MYOF: variants seen among roughly 807,000 people sequenced by gnomAD.
MYOF encodes the protein myoferlin.
MYOF carries 244 observed loss-of-function variants against 284.2 expected under a neutral mutation model. The observed-to-expected ratio is 0.86, with a 90% CI of 0.77 to 0.95. MYOF has a LOEUF of 0.95. Among genes scored for constraint, MYOF ranks in the 40% least tolerant of loss-of-function variants. The pLI is 0.00. For synonymous variants in MYOF, 904 were observed against 919.7 expected (o/e 0.98, Z 0.31); for missense variants, 2,496 against 2,560.6 (o/e 0.97, Z 0.54).
chr10:93,384,831 G>A (rs1194538216), intron 19 of MYOF, among the ~76,000 whole-genome samples: 1 of 152,160 alleles, frequency 6.6e-6, no homozygotes, highest in Non-Finnish European at 1.5e-5. Flanking sequence ...ACCGATAAGG[G>A]CTAAGAGTTG....
chr10:93,401,904 CACTA>C (rs1283161022), intron 11 of MYOF, among the ~76,000 whole-genome samples: 2 of 152,066 alleles, frequency 1.3e-5, no homozygotes, highest in Non-Finnish European at 2.9e-5. Context: ...CTAGAATAAT[CACTA>C]ACTATTTAGG....
At chr10:93,370,823 T>C (rs1845552314) in intron 24 of MYOF, among the ~76,000 whole-genome samples, 1 of 152,288 alleles carries the variant, frequency 6.6e-6, no homozygotes, top group East Asian at 1.9e-4. Flanking sequence ...AAACTGCGAT[T>C]GACAGGTAAA....
rs1209636563 is a variant in MYOF, at chr10:93,381,252, A to G, written c.1843T>C (p.Ser615Pro). Residue 615 changes from serine (S) to proline (P), a missense_variant, in exon 20 of 54, where the codon TCA (serine) becomes CCA (proline). This residue lies in a region of MYOF where 2,436 missense variants were observed against 2,480.7 expected (regional missense o/e 0.98). Transcript: ENST00000359263. ...KFDTTCKPLASTTQYSRAVFD... is the reference protein window; with the variant it reads ...KFDTTCKPLAPTTQYSRAVFD... The stretch of plus-strand genomic sequence containing the variant: ...ACAGCACGGCTGTACTGAGTTGTTG[A>G]TGCCAAAGGCTTACAGGTGGTGTCA... 1.2e-6 allele frequency: 2 copies of G among 1,614,098 alleles called. No individual in the cohort carries two copies. Among genetic ancestry groups the G allele is most frequent in the Non-Finnish European group, 8.5e-7 (1 of 1,180,046 alleles).
intron 36 of MYOF, among the ~76,000 whole-genome samples, chr10:93,348,700 T>C (rs1188380890): frequency 1.3e-5 from 2 of 152,006 alleles, no homozygotes. Flanking sequence ...GCATTGGGGT[T>C]GTAAGGACCT....
chr10:93,364,791 CTTTA>C (rs765380186), intron 26 of MYOF, among the ~76,000 whole-genome samples: 4 of 152,088 alleles, frequency 2.6e-5, no homozygotes, highest in Non-Finnish European at 4.4e-5. Flanking sequence ...TTTTTTTTCC[CTTTA>C]TTGTTTCTGC....
Position 93,381,414 on chromosome 10 carries a change from A to G in MYOF, c.1699-18T>C, listed in dbSNP as rs1327947517. The stretch of plus-strand genomic sequence containing the variant: ...TGGTATTTCTATAAAGTATGAGCAG[A>G]CATAAGGTTCAGTGAAAGGCCATTT... On this transcript the variant is annotated intron_variant, in intron 19 of 53. Transcript: ENST00000359263. 6.2e-7 allele frequency: 1 copy of G among 1,613,170 alleles called. No individual in the cohort carries two copies.
At chr10:93,308,992 A>C (rs900293777) in intron 53 of MYOF, among the ~76,000 whole-genome samples, 16 of 152,192 alleles carry the variant, frequency 1.1e-4, no homozygotes, top group Admixed American at 6.5e-5. Flanking sequence ...GATTACAGGC[A>C]TGAGCCACCT....
intron 13 of MYOF, among the ~76,000 whole-genome samples, chr10:93,397,813 C>T (rs1474227468): frequency 6.6e-6 from 1 of 152,012 alleles, no homozygotes; most frequent in African/African-American, 2.4e-5. Context: ...CCCTGCCCGC[C>T]AGCCTCCCTG....
chr10:93,469,033 T>TA (rs1355804896), intron 1 of MYOF, among the ~76,000 whole-genome samples: 1 of 152,236 alleles, frequency 6.6e-6, no homozygotes, highest in African/African-American at 2.4e-5. Context: ...TGAGTCTAAA[T>TA]ATCTTCATCT....
chr10:93,327,774 T>C (rs564727575), intron 45 of MYOF, among the ~76,000 whole-genome samples: 16 of 152,204 alleles, frequency 1.1e-4, no homozygotes, highest in African/African-American at 3.6e-4. Flanking sequence ...TGTTTGTTTT[T>C]TGAGACAGGA....
At chr10:93,449,330 T>A (rs1034562200) in intron 3 of MYOF, among the ~76,000 whole-genome samples, 1 of 152,242 alleles carries the variant, frequency 6.6e-6, no homozygotes, top group African/African-American at 2.4e-5. Flanking sequence ...TAGAAAATTT[T>A]AAATTGCATG....
intron 43 of MYOF, among the ~76,000 whole-genome samples, chr10:93,332,000 G>A (rs907010225): frequency 6.6e-6 from 1 of 152,162 alleles, no homozygotes; most frequent in Non-Finnish European, 1.5e-5. Flanking sequence ...GGTTGGAAAA[G>A]CATGGGGCTT....
intron 23 of MYOF, among the ~76,000 whole-genome samples, chr10:93,373,867 A>T (rs10400106): frequency 0.075 from 11,375 of 150,886 alleles, 1,414 homozygotes; most frequent in African/African-American, 0.26. Context: ...TACACCTACC[A>T]TTTTTTTTTA....
intron 16 of MYOF, among the ~76,000 whole-genome samples, 197 bp from the exon 17 acceptor site, chr10:93,393,152 A>G (rs943604679): frequency 1.3e-5 from 2 of 152,250 alleles, no homozygotes; most frequent in Admixed American, 6.5e-5. Flanking sequence ...TGACCCGGGC[A>G]GAACCACCAC....
intron 38 of MYOF, 97 bp from the exon 39 acceptor site, chr10:93,340,261 G>A: frequency 7.8e-7 from 1 of 1,289,264 alleles, no homozygotes; most frequent in Non-Finnish European, 1.1e-6. Context: ...AGAGAAAGAA[G>A]CAAAAATTAT....
chr10:93,339,319 C>T (rs977079333), intron 39 of MYOF, among the ~76,000 whole-genome samples: 3 of 151,076 alleles, frequency 2.0e-5, no homozygotes, highest in African/African-American at 7.3e-5. Flanking sequence ...CCTTAAAAGG[C>T]TACTTTTTAT....
chr10:93,429,310 C>T lies in MYOF; in HGVS notation c.345+2098G>A, dbSNP rs148328523. The stretch of plus-strand genomic sequence containing the variant: ...GCCTCACCAGAAGCTGAGCAGATAT[C>T]GGTGCCATGCTTGTACAGCCTGCAG... On this transcript the variant is annotated intron_variant, in intron 4 of 53. Coordinates refer to ENST00000359263, the MANE Select transcript of MYOF (RefSeq NM_013451.4). Among the ~76,000 whole-genome samples the T allele has an allele frequency of 5.5e-3, 831 of 152,266 alleles. 5 individuals carry two copies. The highest frequency in any genetic ancestry group is 0.019 in the African/African-American group (779 of 41,536).
rs1845670500 is a variant in MYOF, at chr10:93,373,190, A to G, written c.2302-105T>C. ...GGACCCTCAGGGATTCATTTAGCAA[A>G]GAAACGCTGTGGTTAGGGCTCTGTC... is the stretch of plus-strand genomic sequence containing the variant. On this transcript the variant is annotated intron_variant, in intron 23 of 53. Transcript: ENST00000359263. 4 of 1,338,264 alleles carry G rather than the reference A, an allele frequency of 3.0e-6. No homozygotes were observed. In the South Asian group the frequency reaches 5.0e-5, roughly 17 times the overall value. The allele number at this position is 1,338,264 out of a possible 1,614,324, so 82.9% of individuals were successfully genotyped here.
Position 93,392,905 on chromosome 10 carries a change from C to T in MYOF, c.1456+12G>A, listed in dbSNP as rs370732255. On this transcript the variant is annotated intron_variant, in intron 17 of 53. Transcript: ENST00000359263. Reference sequence around the variant, plus strand: ...GAAGATATAACAGAGAGCAAAATTACGAAGCATAAACCTGTATATGATGCA... The same window carrying T: ...GAAGATATAACAGAGAGCAAAATTATGAAGCATAAACCTGTATATGATGCA... 3.9e-5 allele frequency: 63 copies of T among 1,605,964 alleles called. No homozygotes were observed. Among genetic ancestry groups the T allele is most frequent in the Non-Finnish European group, 5.0e-5 (59 of 1,173,670 alleles).
Sources: gnomAD v4.1 joint callset for allele counts (sites outside exome capture counted in the v4.1 genomes callset) on GRCh38, gnomAD v4.1.1 for gene constraint, gnomAD v4.1.1 regional missense constraint, MANE v1.5 for transcripts, NCBI Gene and HGNC (gene_info 2026-07-23, HGNC 2026-07-21) for gene names.